Variants in DIP2B observed in about 807,000 individuals in gnomAD.
The protein encoded by DIP2B is disco-interacting protein 2 homolog B.
DIP2B carries 76 observed loss-of-function variants against 198.0 expected under a neutral mutation model. That is an observed-to-expected ratio of 0.38 (90% CI 0.32 to 0.46). DIP2B has a LOEUF of 0.46. DIP2B is among the 20% of genes least tolerant of loss of function. DIP2B has a pLI of 0.99. For missense variants in DIP2B, 1,559 were observed against 1,978.4 expected (o/e 0.79, Z 4.02); for synonymous variants, 701 against 739.1 (o/e 0.95, Z 0.84).
At chr12:50,623,418 C>G (rs998197804) in intron 1 of DIP2B, among the ~76,000 whole-genome samples, 10 of 93,532 alleles carry the variant, frequency 1.1e-4, no homozygotes, top group African/African-American at 4.4e-4. Flanking sequence ...CACACACACA[C>G]ACACACACAC....
chr12:50,737,648 C>T (rs1419955146), intron 35 of DIP2B, among the ~76,000 whole-genome samples: 1 of 152,042 alleles, frequency 6.6e-6, no homozygotes, highest in Non-Finnish European at 1.5e-5. Context: ...CTCTGTTGCC[C>T]AGGCTGGGCT....
intron 2 of DIP2B, among the ~76,000 whole-genome samples, chr12:50,627,600 G>A (rs1937961178): frequency 6.6e-6 from 1 of 152,180 alleles, no homozygotes; most frequent in South Asian, 2.1e-4. Flanking sequence ...GAGTGTGGGG[G>A]TTATAGGTGT....
intron 22 of DIP2B, among the ~76,000 whole-genome samples, chr12:50,709,562 C>T (rs558362883): frequency 6.6e-6 from 1 of 151,728 alleles, no homozygotes; most frequent in Non-Finnish European, 1.5e-5. Context: ...GGCTTGAACC[C>T]AGGAGGCGGA....
rs140590852 is a variant in DIP2B at position 50,574,671 on chromosome 12, C to T, written c.101-51305C>T. Among the ~76,000 whole-genome samples the T allele has an allele frequency of 4.6e-3, 698 of 152,322 alleles. 8 individuals carry two copies. Among genetic ancestry groups the T allele is most frequent in the African/African-American group, 0.016 (665 of 41,562 alleles). On this transcript the variant is annotated intron_variant, in intron 1 of 37. Coordinates refer to ENST00000301180, the MANE Select transcript of DIP2B (RefSeq NM_173602.3). The stretch of plus-strand genomic sequence containing the variant: ...TAAAGATGTTACAACTGGTGGACCT[C>T]GATTCATGCAAGGAACCCTCAGAAG...
chr12:50,532,810 T>A (rs1021962929), intron 1 of DIP2B, among the ~76,000 whole-genome samples: 1 of 152,176 alleles, frequency 6.6e-6, no homozygotes. Flanking sequence ...GTCCTTGGGC[T>A]CTCAGGGAAG....
chr12:50,681,329 G>A (rs1488933175), intron 9 of DIP2B, among the ~76,000 whole-genome samples: 2 of 151,884 alleles, frequency 1.3e-5, no homozygotes, highest in African/African-American at 2.4e-5. Context: ...CCAGCTACTC[G>A]GGAGGTTAAG....
intron 1 of DIP2B, among the ~76,000 whole-genome samples, chr12:50,565,177 T>G (rs918953040): frequency 6.6e-6 from 1 of 152,050 alleles, no homozygotes; most frequent in Non-Finnish European, 1.5e-5. Flanking sequence ...TTTATTTTTT[T>G]GTGGAGATGA....
chr12:50,637,709 A>G (rs747294762), intron 2 of DIP2B, among the ~76,000 whole-genome samples: 1 of 152,136 alleles, frequency 6.6e-6, no homozygotes, highest in Non-Finnish European at 1.5e-5. Flanking sequence ...CAGAAGTTGA[A>G]CTATTAGGTT....
chr12:50,682,919 G>A (rs181631657), intron 9 of DIP2B, among the ~76,000 whole-genome samples: 42 of 152,276 alleles, frequency 2.8e-4, no homozygotes, highest in Admixed American at 6.5e-4. Context: ...GGATGAATGC[G>A]TTATAGTTCC....
intron 1 of DIP2B, among the ~76,000 whole-genome samples, chr12:50,523,715 T>C (rs981402609): frequency 6.6e-6 from 1 of 152,194 alleles, no homozygotes; most frequent in Non-Finnish European, 1.5e-5. Flanking sequence ...ACAGGATGAA[T>C]GGACAGAATA....
chr12:50,694,031 CA>C (rs796612292), intron 14 of DIP2B, among the ~76,000 whole-genome samples: 1 of 151,112 alleles, frequency 6.6e-6, no homozygotes, highest in East Asian at 1.9e-4. Context: ...CTTTATCTAA[CA>C]AAAAAAAATT....
chr12:50,514,661 TCAGCCTATA>T (rs1958048223), intron 1 of DIP2B, among the ~76,000 whole-genome samples: 1 of 152,142 alleles, frequency 6.6e-6, no homozygotes, highest in Non-Finnish European at 1.5e-5. Flanking sequence ...CTCTTTGCCT[TCAGCCTATA>T]CATTATGTTT....
intron 1 of DIP2B, among the ~76,000 whole-genome samples, chr12:50,606,284 C>T (rs1593650943): frequency 6.6e-6 from 1 of 152,024 alleles, no homozygotes; most frequent in East Asian, 1.9e-4. Flanking sequence ...CCATGGCTGG[C>T]TAGTGTTTTT....
rs1022987214 is a variant in DIP2B at position 50,723,081 on chromosome 12, A to G, written c.3167-121A>G. 5 of 1,213,112 alleles carry G rather than the reference A, an allele frequency of 4.1e-6. No homozygotes were observed. The African/African-American group carries it at 4.6e-5, about 11-fold the overall frequency. 75.1% of individuals were successfully genotyped at this position (1,213,112 alleles called of 1,614,324 possible). On this transcript the variant is annotated intron_variant, in intron 26 of 37. Coordinates refer to ENST00000301180, the MANE Select transcript of DIP2B (RefSeq NM_173602.3). ...ATATCTTCTGCTAGGGTCTTTGTTA[A>G]ATTATGGTCTACAGAACCTGTCTGG...
intron 1 of DIP2B, among the ~76,000 whole-genome samples, chr12:50,512,278 TG>T (rs1357122550): frequency 2.0e-5 from 3 of 151,862 alleles, no homozygotes; most frequent in African/African-American, 7.3e-5. Flanking sequence ...GGCTAATTTT[TG>T]TATTTTTAGT....
intron 1 of DIP2B, among the ~76,000 whole-genome samples, chr12:50,566,766 G>A (rs1482957611): frequency 1.3e-5 from 2 of 151,902 alleles, no homozygotes; most frequent in Non-Finnish European, 2.9e-5. Flanking sequence ...TCAGGAGATC[G>A]AGACCATCCT....
intron 1 of DIP2B, among the ~76,000 whole-genome samples, chr12:50,573,224 A>G (rs1313602730): frequency 6.6e-6 from 1 of 152,260 alleles, no homozygotes; most frequent in Non-Finnish European, 1.5e-5. Context: ...TTCTGGCTTC[A>G]TCAGCCATAA....
chr12:50,724,626 G>A (rs749865553), intron 27 of DIP2B, 149 bp from the exon 28 acceptor site: 5 of 632,096 alleles, frequency 7.9e-6, no homozygotes, highest in Non-Finnish European at 1.4e-5. Flanking sequence ...ATGCAAGGGA[G>A]TAACACTGAC....
chr12:50,671,106 A>G, intron 4 of DIP2B, 80 bp from the exon 5 acceptor site: 1 of 1,377,736 alleles, frequency 7.3e-7, no homozygotes. Flanking sequence ...TCGAAACTGA[A>G]TGTGTGATCA....
Sources: allele counts gnomAD v4.1 joint callset (sites outside exome capture counted in the v4.1 genomes callset), GRCh38; gene constraint gnomAD v4.1.1; transcripts MANE v1.5; gene names NCBI Gene and HGNC (gene_info 2026-07-23, HGNC 2026-07-21).